Variants in CCDC171 observed in about 807,000 individuals in gnomAD.
CCDC171 encodes the protein coiled-coil domain-containing protein 171.
Under a neutral mutation model 168.2 loss-of-function variants are expected in CCDC171, and 177 were observed. That is an observed-to-expected ratio of 1.05 (90% confidence interval 0.93 to 1.19). The LOEUF (loss-of-function observed/expected upper bound fraction) is 1.19. CCDC171 is among the 50% of genes most tolerant of loss of function. The pLI is 0.00. For missense variants in CCDC171, 1,991 were observed against 1,539.0 expected (o/e 1.29, Z -4.91); for synonymous variants, 687 against 540.8 (o/e 1.27, Z -3.75).
chr9:16,070,259 G>A, the CCDC171 span, among the ~76,000 whole-genome samples: 1 of 152,216 alleles, frequency 6.6e-6, no homozygotes, highest in African/African-American at 2.4e-5. Context: ...GGCCGGACTG[G>A]AATTCTGAAG....
At chr9:15,778,556 G>C (rs10962154) in intron 19 of CCDC171, among the ~76,000 whole-genome samples, 2 of 136,978 alleles carry the variant, frequency 1.5e-5, no homozygotes, top group Non-Finnish European at 3.0e-5. Context: ...TGAGGCATGA[G>C]AATCGCTTGA....
chr9:15,579,114 A>G, intron 4 of CCDC171, 91 bp downstream of exon 4: 1 of 993,272 alleles, frequency 1.0e-6, no homozygotes, highest in Non-Finnish European at 1.5e-6. Context: ...ATACAGGGTC[A>G]GAGGTAAGAT....
chr9:16,023,739 T>G (rs1036600310), intron 6 of CCDC171, among the ~76,000 whole-genome samples: 34 of 152,274 alleles, frequency 2.2e-4, no homozygotes, highest in Middle Eastern at 6.8e-3. Flanking sequence ...TGTTTCAGTA[T>G]TTGATCATCT....
intron 3 of CCDC171, among the ~76,000 whole-genome samples, chr9:16,008,408 G>A (rs995135775): frequency 6.6e-6 from 1 of 152,046 alleles, no homozygotes; most frequent in Admixed American, 6.5e-5. Flanking sequence ...TGACATACTT[G>A]TCCGCACATT....
In CCDC171 at chr9:15,591,403, T is replaced by A. The variant is rs139287491; in HGVS notation, c.390T>A (p.Thr130=). The change falls in exon 5 of 26, where the codon ACT becomes ACA. Residue 130 remains threonine (T), a synonymous_variant. Transcript: ENST00000380701. ...AACTTCAAGCAAAGACAAATGAGAC[T>A]GAGAAAGCATTTCAGACTTCTCAGC... is the stretch of plus-strand genomic sequence containing the variant. ...NSELQAKTNE[T]EKAFQTSQQK... 2.8e-3 allele frequency: 4,578 copies of A among 1,607,194 alleles called. 7 individuals are homozygous for A. The highest frequency in any genetic ancestry group is 3.5e-3 in the Non-Finnish European group (4,126 of 1,177,612).
intron 7 of CCDC171, among the ~76,000 whole-genome samples, chr9:15,651,361 G>C (rs745413650): frequency 1.3e-5 from 2 of 150,982 alleles, no homozygotes; most frequent in African/African-American, 4.9e-5. Flanking sequence ...TGCCTGCCTC[G>C]GCCTCCCAAA....
intron 25 of CCDC171, among the ~76,000 whole-genome samples, chr9:15,934,987 A>G (rs1016169879): frequency 7.9e-5 from 12 of 152,078 alleles, no homozygotes; most frequent in African/African-American, 2.9e-4. Flanking sequence ...CACATTAGTG[A>G]TTGACAGAGG....
intron 3 of CCDC171, among the ~76,000 whole-genome samples, chr9:15,572,953 G>T (rs1313693443): frequency 1.3e-5 from 2 of 152,178 alleles, no homozygotes; most frequent in Admixed American, 6.5e-5. Flanking sequence ...GAAGTCAGGA[G>T]TTCGAGATCA....
intron 24 of CCDC171, among the ~76,000 whole-genome samples, chr9:15,919,456 T>C (rs1160231956): frequency 6.6e-6 from 1 of 151,686 alleles, no homozygotes; most frequent in East Asian, 1.9e-4. Flanking sequence ...GTAGGAACAT[T>C]TTTCTTGTAA....
At chr9:15,917,095 C>T (rs1376831929) in intron 24 of CCDC171, among the ~76,000 whole-genome samples, 1 of 151,934 alleles carries the variant, frequency 6.6e-6, no homozygotes, top group Non-Finnish European at 1.5e-5. Flanking sequence ...TTTCTTCTGC[C>T]AACTTGACAC....
intron 11 of CCDC171, among the ~76,000 whole-genome samples, chr9:15,714,851 A>G (rs2052958335): frequency 6.6e-6 from 1 of 152,222 alleles, no homozygotes; most frequent in South Asian, 2.1e-4. Flanking sequence ...AATGAGACTT[A>G]ACTATGCTGC....
chr9:15,699,826 G>A (rs1359604973), intron 11 of CCDC171, among the ~76,000 whole-genome samples: 5 of 152,058 alleles, frequency 3.3e-5, no homozygotes, highest in Non-Finnish European at 5.9e-5. Context: ...GACGATTGGT[G>A]CATTTACAAA....
At chr9:15,665,254 G>C (rs1309925028) in intron 8 of CCDC171, among the ~76,000 whole-genome samples, 5 of 152,114 alleles carry the variant, frequency 3.3e-5, no homozygotes, top group Non-Finnish European at 7.3e-5. Flanking sequence ...AGCCTCCTGA[G>C]TAGCTGGGAC....
intron 6 of CCDC171, among the ~76,000 whole-genome samples, chr9:16,034,935 T>C (rs1833434897): frequency 6.6e-6 from 1 of 152,160 alleles, no homozygotes. Context: ...AAATGCACAA[T>C]TGAGAAGAAA....
At chr9:15,887,284 C>A (rs1478361558) in intron 24 of CCDC171, among the ~76,000 whole-genome samples, 1 of 151,988 alleles carries the variant, frequency 6.6e-6, no homozygotes, top group African/African-American at 2.4e-5. Context: ...TTGCATAGTA[C>A]TGTATATTAA....
chr9:15,567,976 T>C (rs1379956145), intron 2 of CCDC171, among the ~76,000 whole-genome samples: 1 of 144,708 alleles, frequency 6.9e-6, no homozygotes, highest in East Asian at 1.9e-4. Context: ...TTAAATTTAT[T>C]TTATTCTTTT....
chr9:15,897,267 T>C (rs937313736), intron 24 of CCDC171, among the ~76,000 whole-genome samples: 1 of 136,942 alleles, frequency 7.3e-6, no homozygotes, highest in Non-Finnish European at 1.6e-5. Flanking sequence ...TAATCGAGTA[T>C]ACCAGAAGTT....
chr9:15,715,823 A>T (rs955078319), intron 11 of CCDC171, among the ~76,000 whole-genome samples: 1 of 152,246 alleles, frequency 6.6e-6, no homozygotes, highest in Non-Finnish European at 1.5e-5. Flanking sequence ...TTGAAAAACA[A>T]TGATTTATAT....
intron 21 of CCDC171, among the ~76,000 whole-genome samples, chr9:15,786,678 G>T (rs1421989901): frequency 6.6e-6 from 1 of 152,112 alleles, no homozygotes; most frequent in Non-Finnish European, 1.5e-5. Flanking sequence ...GAAGTCTGGA[G>T]CAGCTGAAAA....
Sources: gnomAD v4.1 joint callset for allele counts (sites outside exome capture counted in the v4.1 genomes callset) on GRCh38, gnomAD v4.1.1 for gene constraint, MANE v1.5 for transcripts, NCBI Gene and HGNC (gene_info 2026-07-23, HGNC 2026-07-21) for gene names.